ANKS6: variants seen among roughly 807,000 people sequenced by gnomAD.
The protein encoded by ANKS6 is ankyrin repeat and sterile alpha motif domain containing 6, also known as ankyrin repeat and SAM domain-containing protein 6.
ANKS6 carries 47 observed loss-of-function variants against 77.9 expected under a neutral mutation model. The ratio of observed to expected loss-of-function variants is 0.60; its 90% confidence interval spans 0.48 to 0.77. ANKS6 has a LOEUF of 0.77. ANKS6 is among the 30% of genes least tolerant of loss of function. ANKS6 has a pLI of 0.00. For synonymous variants in ANKS6, 488 were observed against 501.7 expected (o/e 0.97, Z 0.37); for missense variants, 1,150 against 1,159.1 (o/e 0.99, Z 0.11).
At chr9:98,740,132 C>A (rs1831743385) in intron 14 of ANKS6, among the ~76,000 whole-genome samples, 1 of 152,138 alleles carries the variant, frequency 6.6e-6, no homozygotes, top group African/African-American at 2.4e-5. Context: ...GGGGAAAAAT[C>A]CACTGAATGA....
chr9:98,796,167 G>A lies in ANKS6; in HGVS notation c.325C>T (p.His109Tyr), dbSNP rs1303943655. The change falls in exon 1 of 15, where the codon CAC becomes TAC. Residue 109 changes from histidine (H) to tyrosine (Y), a missense_variant. By Grantham distance (83) the His-to-Tyr change is moderately conservative (BLOSUM62 2). Transcript: ENST00000353234. Reference sequence around the variant, plus strand: ...TGCATGAGCGCGCTCCAGCCGTAGTGGTTGCGGCTGTTGACCGAGGCACCG... The same window carrying A: ...TGCATGAGCGCGCTCCAGCCGTAGTAGTTGCGGCTGTTGACCGAGGCACCG... ...RRGASVNSRN[H>Y]YGWSALMQAA... 9.2e-6 allele frequency: 13 copies of A among 1,415,516 alleles called. No individual in the cohort carries two copies. The highest frequency in any genetic ancestry group is 5.6e-5 in the Admixed American group (2 of 35,904). 87.7% of individuals were successfully genotyped at this position (1,415,516 alleles called of 1,614,324 possible).
intron 14 of ANKS6, among the ~76,000 whole-genome samples, chr9:98,738,024 C>A (rs1017598526): frequency 1.3e-5 from 2 of 152,182 alleles, no homozygotes; most frequent in Non-Finnish European, 2.9e-5. Flanking sequence ...GGATAACTGG[C>A]TAGCCACATG....
intron 9 of ANKS6, 91 bp downstream of exon 9, chr9:98,773,786 A>C (rs1588386594): frequency 8.0e-7 from 1 of 1,243,608 alleles, no homozygotes; most frequent in South Asian, 2.2e-5. Context: ...ACCCCTCTGG[A>C]TTCGTCGGTT....
At chr9:98,770,087 T>C (rs138454419) in intron 10 of ANKS6, among the ~76,000 whole-genome samples, 26 of 152,250 alleles carry the variant, frequency 1.7e-4, no homozygotes, top group African/African-American at 4.6e-4. Context: ...AATTCCCGCA[T>C]CATGGGAGGG....
At chr9:98,768,986 G>C (rs2118017868) in intron 10 of ANKS6, among the ~76,000 whole-genome samples, 1 of 152,246 alleles carries the variant, frequency 6.6e-6, no homozygotes, top group East Asian at 1.9e-4. Flanking sequence ...AATTAGCTGG[G>C]TGTGGTGGCG....
At chr9:98,780,903 C>CT (rs201837649) in intron 5 of ANKS6, among the ~76,000 whole-genome samples, 27,498 of 141,588 alleles carry the variant, frequency 0.19, 2,954 homozygotes, top group East Asian at 0.35. Context: ...ATGACTATTT[C>CT]TTTTTTTTTT....
chr9:98,771,001 C>T lies in ANKS6; in HGVS notation c.1867G>A (p.Ala623Thr). 1 of 1,595,342 alleles carries T rather than the reference C, an allele frequency of 6.3e-7. No individual in the cohort carries two copies. Among genetic ancestry groups the T allele is most frequent in the Admixed American group, 1.7e-5 (1 of 57,416 alleles). The change falls in exon 10 of 15, where the codon GCC becomes ACC. Residue 623 changes from alanine (A) to threonine (T), a missense_variant. Transcript: ENST00000353234. Reference protein sequence around the residue: ...VKFPSLPRSPASSANSGNFNH... With the variant: ...VKFPSLPRSPTSSANSGNFNH... The stretch of plus-strand genomic sequence containing the variant: ...AAGTTTCCAGAATTGGCAGAAGAGG[C>T]TGGGCTTCTGGGGAGGCTTGGAAAT...
intron 12 of ANKS6, among the ~76,000 whole-genome samples, chr9:98,752,830 C>G (rs337562): frequency 1 from 152,301 of 152,332 alleles, 76,135 homozygotes; most frequent in Middle Eastern, 1. Flanking sequence ...TGAAGAGCAA[C>G]AACAGGGGGA....
intron 4 of ANKS6, 151 bp downstream of exon 4, chr9:98,783,802 G>A (rs1834406512): frequency 6.3e-6 from 3 of 475,466 alleles, no homozygotes; most frequent in African/African-American, 5.8e-5. Flanking sequence ...AGCCTGTGCC[G>A]CTTTTTTTTT....
chr9:98,756,272 C>A (rs564286213), intron 12 of ANKS6, 148 bp downstream of exon 12: 5 of 851,848 alleles, frequency 5.9e-6, no homozygotes, highest in Non-Finnish European at 6.9e-6. Flanking sequence ...AAGGTACAAT[C>A]AGAGAAGAGG....
chr9:98,777,510 G>C lies in ANKS6; in HGVS notation c.1568-56C>G, dbSNP rs1010776492. ...ACCCCTCCACGTGTCCACAGCATAAGGATGAGTGACTGGGGCAGGCTTCAA... is the reference window on the plus strand; with the variant it reads ...ACCCCTCCACGTGTCCACAGCATAACGATGAGTGACTGGGGCAGGCTTCAA... On this transcript the variant is annotated intron_variant, in intron 7 of 14. Coordinates refer to ENST00000353234, the MANE Select transcript of ANKS6 (RefSeq NM_173551.5). The C allele has an allele frequency of 5.8e-6, 9 of 1,561,660 alleles. No individual in the cohort carries two copies. The African/African-American group carries it at 1.1e-4, about 19-fold the overall frequency.
intron 9 of ANKS6, 67 bp downstream of exon 9, chr9:98,773,810 C>G (rs1222196335): frequency 5.8e-6 from 8 of 1,368,600 alleles, no homozygotes; most frequent in Non-Finnish European, 6.7e-6. Context: ...GGTCCCGCTG[C>G]CTGGAACACA....
chr9:98,795,268 T>C (rs935580909), intron 1 of ANKS6, among the ~76,000 whole-genome samples: 3 of 152,134 alleles, frequency 2.0e-5, no homozygotes, highest in Non-Finnish European at 4.4e-5. Context: ...CCTTTTTGAC[T>C]CTAGCTTACC....
In ANKS6 at chr9:98,771,064, G is replaced by T. The variant is rs778616115; in HGVS notation, c.1822-18C>A. On this transcript the variant is annotated intron_variant, in intron 9 of 14. Coordinates refer to ENST00000353234, the MANE Select transcript of ANKS6 (RefSeq NM_173551.5). ...ACGGGTGTCTACAAGAATAAGGCAGGTGCAGCACTTAGGGAGGCTGCTCCT... is the reference window on the plus strand; with the variant it reads ...ACGGGTGTCTACAAGAATAAGGCAGTTGCAGCACTTAGGGAGGCTGCTCCT... 6.6e-7 allele frequency: 1 copy of T among 1,520,516 alleles called. No homozygotes were observed. The highest frequency in any genetic ancestry group is 1.4e-5 in the African/African-American group (1 of 71,680). The allele number at this position is 1,520,516 out of a possible 1,614,324, so 94.2% of individuals were successfully genotyped here.
chr9:98,743,953 C>T (rs1413273230), intron 14 of ANKS6, among the ~76,000 whole-genome samples: 4 of 152,172 alleles, frequency 2.6e-5, no homozygotes, highest in African/African-American at 4.8e-5. Flanking sequence ...TCCTGACAGC[C>T]GAGATCTGCC....
intron 8 of ANKS6, 116 bp from the exon 9 acceptor site, chr9:98,774,196 C>T (rs560391520): frequency 1.2e-4 from 116 of 934,674 alleles, no homozygotes; most frequent in Non-Finnish European, 1.6e-4. Flanking sequence ...ACCCCTCCAC[C>T]CAAGCCGGGA....
chr9:98,784,874 CA>C lies in ANKS6; in HGVS notation c.864del (p.Asp288GlufsTer13), dbSNP rs775893738. Reference sequence around the variant, plus strand: ...AAAATATCAGGTCGCCTTTTCTCCTCATCTGGGTAAACAAAGATTTTTAAAG... The same window carrying C: ...AAAATATCAGGTCGCCTTTTCTCCTCTCTGGGTAAACAAAGATTTTTAAAG... The part of the protein sequence containing the change: ...DPLTTVRPKT[D>X]EEKRRPDIFH... On this transcript the variant is annotated frameshift_variant and splice_region_variant, in exon 3 of 15. Coordinates refer to ENST00000353234, the MANE Select transcript of ANKS6 (RefSeq NM_173551.5). LOFTEE classifies it high-confidence loss of function. 7.4e-6 allele frequency: 12 copies of C among 1,613,198 alleles called. No individual in the cohort carries two copies. In the Admixed American group the frequency reaches 2.0e-4, roughly 27 times the overall value.
intron 14 of ANKS6, among the ~76,000 whole-genome samples, chr9:98,738,729 G>C (rs1425713161): frequency 1.3e-5 from 2 of 152,160 alleles, no homozygotes; most frequent in Non-Finnish European, 2.9e-5. Context: ...ATTTGATCCA[G>C]CAATCCCACC....
In ANKS6 at chr9:98,732,354, C is replaced by G; in HGVS notation, c.*4165G>C. 1.1e-6 allele frequency: 1 copy of G among 930,446 alleles called. No individual in the cohort carries two copies. The highest frequency in any genetic ancestry group is 1.6e-6 in the Non-Finnish European group (1 of 630,266). 57.6% of individuals were successfully genotyped at this position (930,446 alleles called of 1,614,324 possible). A position where few individuals can be genotyped will look rare whatever the true frequency, so the allele number is the denominator to read the frequency against. On this transcript the variant is annotated 3_prime_UTR_variant, in exon 15 of 15. Coordinates refer to ENST00000353234, the MANE Select transcript of ANKS6 (RefSeq NM_173551.5). ...TTTTTACCCGCTGGATCAGCTTCTA[C>G]GACTTGGTCAAACTATCTTTCTTTC...
Sources: allele counts gnomAD v4.1 joint callset (sites outside exome capture counted in the v4.1 genomes callset), GRCh38; gene constraint gnomAD v4.1.1; transcripts MANE v1.5; gene names NCBI Gene and HGNC (gene_info 2026-07-23, HGNC 2026-07-21).